Variants in PRPS2 observed in about 807,000 individuals in gnomAD.
The protein encoded by PRPS2 is phosphoribosyl pyrophosphate synthetase 2.
For synonymous variants in PRPS2, 111 were observed against 115.3 expected, an observed-to-expected ratio of 0.96 and a Z score of 0.24; for missense variants, 104 against 271.5, an observed-to-expected ratio of 0.38 and a Z score of 4.34.
chrX:12,819,693 G>A lies in PRPS2; in HGVS notation c.704+13G>A. On this transcript the variant is annotated intron_variant, in intron 5 of 6. Coordinates refer to ENST00000380668, the MANE Select transcript of PRPS2 (RefSeq NM_002765.5). ...ATGCTGCGGACAAGTACGCAGGGCG[G>A]TGGGGAAAGCGTTAGGACTTCTCAC... is the stretch of plus-strand genomic sequence containing the variant. 1.7e-6 allele frequency: 2 copies of A among 1,202,202 alleles called. No homozygotes were observed. Among genetic ancestry groups the A allele is most frequent in the Non-Finnish European group, 2.2e-6 (2 of 890,445 alleles).
At chrX:12,815,510 G>A (rs1256945158) in intron 4 of PRPS2, among the ~76,000 whole-genome samples, 2 of 112,039 alleles carry the variant, frequency 1.8e-5, no homozygotes, top group Non-Finnish European at 3.8e-5. Flanking sequence ...GGTAATGTAT[G>A]TGGACATTTT....
intron 2 of PRPS2, among the ~76,000 whole-genome samples, chrX:12,803,352 A>G (rs747883206): frequency 7.1e-5 from 8 of 112,582 alleles, no homozygotes; most frequent in Non-Finnish European, 1.5e-4. Flanking sequence ...CGGTGGCACA[A>G]TCTTAGCTCA....
chrX:12,821,050 C>T (rs189845884), intron 6 of PRPS2, among the ~76,000 whole-genome samples: 382 of 112,190 alleles, frequency 3.4e-3, no homozygotes, highest in African/African-American at 0.012. Context: ...CAGTCAGAAA[C>T]GGGTTGTGCT....
At chrX:12,812,086 A>G (rs2042626851) in intron 4 of PRPS2, among the ~76,000 whole-genome samples, 1 of 112,361 alleles carries the variant, frequency 8.9e-6, no homozygotes, top group Admixed American at 9.4e-5. Context: ...CTTGGCCAAG[A>G]ATCAAGGTTG....
At chrX:12,796,594 C>A (rs1285732187) in intron 1 of PRPS2, among the ~76,000 whole-genome samples, 1 of 111,535 alleles carries the variant, frequency 9.0e-6, no homozygotes, top group Non-Finnish European at 1.9e-5. Flanking sequence ...TATTCATGTT[C>A]CTTATTTGTA....
intron 5 of PRPS2, 82 bp downstream of exon 5, chrX:12,819,762 T>G: frequency 9.4e-7 from 1 of 1,063,479 alleles, no homozygotes; most frequent in Non-Finnish European, 1.3e-6. Context: ...GGGCTCTTTT[T>G]TCCTGATTAT....
chrX:12,804,731 A>G (rs1037589648), intron 2 of PRPS2, among the ~76,000 whole-genome samples: 1 of 111,508 alleles, frequency 9.0e-6, no homozygotes, highest in East Asian at 2.8e-4. Flanking sequence ...TGCTTCATTT[A>G]GGAAGGTATA....
At chrX:12,804,110 A>C (rs2042582344) in intron 2 of PRPS2, among the ~76,000 whole-genome samples, 1 of 108,637 alleles carries the variant, frequency 9.2e-6, no homozygotes, top group Non-Finnish European at 1.9e-5. Flanking sequence ...GGGAATTCTT[A>C]ATTCTTAATT....
intron 2 of PRPS2, among the ~76,000 whole-genome samples, chrX:12,807,575 A>G (rs2042599907): frequency 8.9e-6 from 1 of 111,815 alleles, no homozygotes; most frequent in South Asian, 3.7e-4. Context: ...ATTTAGTGTT[A>G]ATAGAGATTC....
At chrX:12,815,363 G>A (rs952952916) in intron 4 of PRPS2, among the ~76,000 whole-genome samples, 2 of 110,659 alleles carry the variant, frequency 1.8e-5, no homozygotes, top group Non-Finnish European at 3.8e-5. Context: ...CCACCTGGCA[G>A]AGAGATGAAA....
At chrX:12,809,960 A>AAAAAC (rs764780393) in intron 3 of PRPS2, 62 bp from the exon 4 acceptor site, 1 of 1,089,439 alleles carries the variant, frequency 9.2e-7, no homozygotes, top group Non-Finnish European at 1.2e-6. Flanking sequence ...TATCGTTTAA[A>AAAAAC]AAAACAAAAG....
intron 6 of PRPS2, among the ~76,000 whole-genome samples, chrX:12,822,125 G>A (rs1414015719): frequency 8.9e-6 from 1 of 112,253 alleles, no homozygotes; most frequent in Non-Finnish European, 1.9e-5. Context: ...GCTCGCAAGT[G>A]AAATCCAGCC....
Position 12,822,827 on chromosome X carries a change from C to CTCTGACT in PRPS2, c.*40_*46dup. On this transcript the variant is annotated 3_prime_UTR_variant, in exon 7 of 7. Coordinates refer to ENST00000380668, the MANE Select transcript of PRPS2 (RefSeq NM_002765.5). ...GAATGGGAAGTGTCCAGCAAGCCTA[C>CTCTGACT]TCTGACTTCTGACTTGTTTTTGTTT... 1 of 1,144,171 alleles carries CTCTGACT rather than the reference C, an allele frequency of 8.7e-7. No individual in the cohort carries two copies. Among genetic ancestry groups the CTCTGACT allele is most frequent in the Non-Finnish European group, 1.2e-6 (1 of 835,576 alleles). The allele number at this position is 1,144,171 out of a possible 1,213,427, so 94.3% of individuals were successfully genotyped here. A position where few individuals can be genotyped will look rare whatever the true frequency, so the allele number is the denominator to read the frequency against.
At position 12,822,693 on chromosome X, in the gene PRPS2, T is replaced by C. The variant is rs16998972; in HGVS notation, c.865-11T>C. ...TTCCCTTCTCCCTTTGTTTTTCTCA[T>C]TGGCATTTAGGTCATTGACATTTCC... On this transcript the variant is annotated splice_polypyrimidine_tract_variant and intron_variant, in intron 6 of 6. Coordinates refer to ENST00000380668, the MANE Select transcript of PRPS2 (RefSeq NM_002765.5). 9,013 of 1,203,358 alleles carry C rather than the reference T, an allele frequency of 7.5e-3. 429 individuals carry two copies. In the African/African-American group the frequency reaches 0.14, roughly 18 times the overall value.
At chrX:12,801,234 G>GTGTGTGTGTGTGTGTGTT (rs2042568318) in intron 2 of PRPS2, among the ~76,000 whole-genome samples, 2 of 107,952 alleles carry the variant, frequency 1.9e-5, no homozygotes, top group African/African-American at 6.8e-5. Flanking sequence ...GTGTGTGTGT[G>GTGTGTGTGTGTGTGTGTT]TGTGTGTGTG....
At position 12,802,101 on chromosome X, in the gene PRPS2, A is replaced by G. The variant is rs751742903; in HGVS notation, c.306+2711A>G. On this transcript the variant is annotated intron_variant, in intron 2 of 6. Transcript: ENST00000380668. The stretch of plus-strand genomic sequence containing the variant: ...AGTGATAAAATATCAGAAGCTCTAC[A>G]TTTTTGTTAGCACATATCTGATTTG... 8.9e-5 allele frequency among the ~76,000 whole-genome samples: 10 copies of G among 112,405 alleles called. No individual in the cohort carries two copies. In the South Asian group the frequency reaches 3.0e-3, roughly 33 times the overall value.
chrX:12,820,173 C>T (rs2042668661), intron 5 of PRPS2, among the ~76,000 whole-genome samples: 1 of 112,513 alleles, frequency 8.9e-6, no homozygotes, highest in Non-Finnish European at 1.9e-5. Context: ...TAATATGAAA[C>T]AATGAATATA....
chrX:12,801,442 CT>C (rs1384957012), intron 2 of PRPS2, among the ~76,000 whole-genome samples: 2 of 112,077 alleles, frequency 1.8e-5, no homozygotes, highest in African/African-American at 6.5e-5. Context: ...TTGGTATAAT[CT>C]GTTGTCTTAG....
At chrX:12,808,131 T>C (rs2042603399) in intron 2 of PRPS2, among the ~76,000 whole-genome samples, 1 of 111,495 alleles carries the variant, frequency 9.0e-6, no homozygotes. Flanking sequence ...CCTCCCAAAG[T>C]GCTGAGATTA....
Sources: allele counts gnomAD v4.1 joint callset (sites outside exome capture counted in the v4.1 genomes callset), GRCh38; gene constraint gnomAD v4.1.1; transcripts MANE v1.5; gene names NCBI Gene and HGNC (gene_info 2026-07-23, HGNC 2026-07-21).